SIVA1: variants seen among roughly 807,000 people sequenced by gnomAD.
SIVA1 encodes the protein apoptosis regulatory protein Siva.
Under a neutral mutation model 19.7 loss-of-function variants are expected in SIVA1, and 10 were observed. The observed-to-expected ratio is 0.51, with a 90% confidence interval of 0.31 to 0.86. SIVA1 has a LOEUF of 0.86. Among genes scored for constraint, SIVA1 ranks in the 40% least tolerant of loss-of-function variants. The probability of loss-of-function intolerance (pLI) is 0.04; values close to 1 mark genes in which losing one functional copy is unlikely to be tolerated. For missense variants in SIVA1, 241 were observed against 245.2 expected (o/e 0.98, Z 0.11); for synonymous variants, 130 against 106.1 (o/e 1.23, Z -1.39).
intron 2 of SIVA1, 101 bp downstream of exon 2, chr14:104,755,925 A>C: frequency 3.5e-6 from 4 of 1,142,280 alleles, no homozygotes; most frequent in Non-Finnish European, 5.1e-6. Flanking sequence ...CTCCCTGGGT[A>C]AGCAGGACTC....
intron 2 of SIVA1, 159 bp downstream of exon 2, chr14:104,755,983 G>C (rs1034266010): frequency 2.7e-6 from 2 of 744,518 alleles, no homozygotes; most frequent in East Asian, 5.3e-5. Context: ...GTTATCAGGA[G>C]GTCTCACATT....
chr14:104,753,252 G>T lies in SIVA1; in HGVS notation c.51G>T (p.Lys17Asn). The part of the protein sequence containing the change: ...PFADVAPLQL[K>N]VRVSQRELSR... The stretch of plus-strand genomic sequence containing the variant: ...CGGACGTGGCCCCGCTACAGCTCAA[G>T]GTCCGCGTGAGCCAGAGGGAGTTGA... Residue 17 changes from lysine (K) to asparagine (N), a missense_variant, in exon 1 of 4, where the codon AAG becomes AAT. By Grantham distance (94) the Lys-to-Asn change is moderately conservative. Coordinates refer to ENST00000329967, the MANE Select transcript of SIVA1 (RefSeq NM_006427.4). 6.3e-7 allele frequency: 1 copy of T among 1,598,572 alleles called. No homozygotes were observed. The highest frequency in any genetic ancestry group is 1.4e-5 in the African/African-American group (1 of 73,722).
intron 1 of SIVA1, chr14:104,753,839 T>G (rs777563291): frequency 2.2e-6 from 1 of 446,714 alleles, no homozygotes; most frequent in Non-Finnish European, 4.6e-6. Context: ...CCCAGCCTAG[T>G]TGGGGAGACC....
rs1891868719 is a variant in SIVA1 at position 104,755,823 on chromosome 14, T to A, written c.312T>A (p.Ala104=). The change falls in exon 2 of 4, where the codon GCT becomes GCA. Residue 104 remains alanine (A), a splice_region_variant and synonymous_variant. Coordinates refer to ENST00000329967, the MANE Select transcript of SIVA1 (RefSeq NM_006427.4). The stretch of plus-strand genomic sequence containing the variant: ...GGAGCCTTGGGCAGGCCTCCGAAGC[T>A]GGTGAGTGGCACCAGCAGCCCTTTG... ...LIRSLGQASE[A]DPSGVASIAC... is the part of the protein sequence containing the mutation. 6.2e-7 allele frequency: 1 copy of A among 1,613,104 alleles called. No homozygotes were observed. Among genetic ancestry groups the A allele is most frequent in the Admixed American group, 1.7e-5 (1 of 59,894 alleles).
At position 104,759,557 on chromosome 14, in the gene SIVA1, G is replaced by A. The variant is rs1429096909; in HGVS notation, c.*72G>A. The A allele has an allele frequency of 6.9e-6, 9 of 1,304,562 alleles. No individual in the cohort carries two copies. Among genetic ancestry groups the A allele is most frequent in the Admixed American group, 1.7e-5 (1 of 57,988 alleles). The allele number at this position is 1,304,562 out of a possible 1,614,324, so 80.8% of individuals were successfully genotyped here. A position where few individuals can be genotyped will look rare whatever the true frequency, so the allele number is the denominator to read the frequency against. ...GCAGCCTTCCCTGGACGAGCGCTCG[G>A]TGTTCACACTGAACTGTGGGGTCGA... On this transcript the variant is annotated 3_prime_UTR_variant, in exon 4 of 4. Coordinates refer to ENST00000329967, the MANE Select transcript of SIVA1 (RefSeq NM_006427.4). This position sits in a 1 kb window ranked among gnomAD's most constrained non-coding sequence, Gnocchi z 4.2.
chr14:104,757,362 G>A, intron 3 of SIVA1: 1 of 383,190 alleles, frequency 2.6e-6, no homozygotes, highest in South Asian at 1.9e-5. Flanking sequence ...AGACACATGT[G>A]GAACTGGCTC....
Position 104,759,411 on chromosome 14 carries a change from C to T in SIVA1, c.471-17C>T. 1 of 1,611,918 alleles carries T rather than the reference C, an allele frequency of 6.2e-7. No homozygotes were observed. The highest frequency in any genetic ancestry group is 1.3e-5 in the African/African-American group (1 of 74,972). On this transcript the variant is annotated splice_polypyrimidine_tract_variant and intron_variant, in intron 3 of 3. Transcript: ENST00000329967. The surrounding 1 kb of genome is among the most constrained non-coding windows in gnomAD (Gnocchi z 4.2). ...CCTGACAGCAGCTTTTCTCTCCCCT[C>T]CCTGACGCTGTCGCAGCTGCAGTGA...
intron 2 of SIVA1, 48 bp downstream of exon 2, chr14:104,755,872 G>A (rs1410915905): frequency 6.5e-7 from 1 of 1,539,664 alleles, no homozygotes; most frequent in Non-Finnish European, 8.9e-7. Context: ...GAGGGCAGGT[G>A]GTGGCACGAG....
intron 3 of SIVA1, chr14:104,756,972 A>G: frequency 5.0e-6 from 3 of 602,034 alleles, no homozygotes; most frequent in Non-Finnish European, 8.7e-6. Context: ...TGAACCTCAC[A>G]GATGACCTGC....
chr14:104,756,048 G>A (rs1447591547), intron 2 of SIVA1: 2 of 664,460 alleles, frequency 3.0e-6, no homozygotes, highest in Admixed American at 2.3e-5. Flanking sequence ...AAGCAGCAGA[G>A]ACTCCCCGGG....
At chr14:104,757,481 G>C in intron 3 of SIVA1, 1 of 243,008 alleles carries the variant, frequency 4.1e-6, no homozygotes, top group Non-Finnish European at 8.6e-6. Flanking sequence ...CTTCAGTCGG[G>C]GCAGAGGCCC....
At chr14:104,757,206 G>T in intron 3 of SIVA1, 1 of 368,584 alleles carries the variant, frequency 2.7e-6, no homozygotes, top group Non-Finnish European at 5.4e-6. Context: ...CCCATTTGTG[G>T]GTGGGTTTGC....
In SIVA1 at chr14:104,753,173, G is replaced by T. The variant is rs752346958; in HGVS notation, c.-29G>T. 2 of 1,442,758 alleles carry T rather than the reference G, an allele frequency of 1.4e-6. No individual in the cohort carries two copies. Among genetic ancestry groups the T allele is most frequent in the African/African-American group, 1.4e-5 (1 of 69,314 alleles). 89.4% of individuals were successfully genotyped at this position (1,442,758 alleles called of 1,614,324 possible). A position where few individuals can be genotyped will look rare whatever the true frequency, so the allele number is the denominator to read the frequency against. Reference sequence around the variant, plus strand: ...TCGTTGGTAAGGGGCTGGCGGCCGGGGAGCTGCGTAGCTCCCGGCCCCGCG... The same window carrying T: ...TCGTTGGTAAGGGGCTGGCGGCCGGTGAGCTGCGTAGCTCCCGGCCCCGCG... On this transcript the variant is annotated 5_prime_UTR_variant, in exon 1 of 4. Transcript: ENST00000329967.
rs1132975 is a variant in SIVA1 at position 104,755,700 on chromosome 14, C to T, written c.189C>T (p.Ala63=). 0.35 allele frequency: 562,604 copies of T among 1,613,528 alleles called. 102,285 individuals are homozygous for T. The highest frequency in any genetic ancestry group is 0.58 in the East Asian group (26,017 of 44,844). Residue 63 remains alanine (A), a synonymous_variant, in exon 2 of 4, where the codon GCC becomes GCT. Coordinates refer to ENST00000329967, the MANE Select transcript of SIVA1 (RefSeq NM_006427.4). ...YLDHVWDEGC[A]VVHLPESPKP... The stretch of plus-strand genomic sequence containing the variant: ...ACCACGTGTGGGATGAAGGCTGTGC[C>T]GTCGTTCACCTGCCAGAGTCCCCAA...
chr14:104,756,141 G>T lies in SIVA1; in HGVS notation c.313+317G>T, dbSNP rs1891880212. On this transcript the variant is annotated intron_variant, in intron 2 of 3. Transcript: ENST00000329967. The stretch of plus-strand genomic sequence containing the variant: ...TGCCAGTCCCATCCCTATGCAGTGT[G>T]GGGTCTCAGAGCATCACCTGTGTTG... 3 of 499,640 alleles carry T rather than the reference G, an allele frequency of 6.0e-6. No individual in the cohort carries two copies. In the Admixed American group the frequency reaches 9.9e-5, roughly 16 times the overall value. 31.0% of individuals were successfully genotyped at this position (499,640 alleles called of 1,614,324 possible).
In SIVA1 at chr14:104,756,230, G is replaced by C. The variant is rs1036441296; in HGVS notation, c.314-374G>C. 1.1e-5 allele frequency: 5 copies of C among 439,010 alleles called. No individual in the cohort carries two copies. In the Admixed American group the frequency reaches 1.8e-4, roughly 16 times the overall value. 27.2% of individuals were successfully genotyped at this position (439,010 alleles called of 1,614,324 possible). A position where few individuals can be genotyped will look rare whatever the true frequency, so the allele number is the denominator to read the frequency against. On this transcript the variant is annotated intron_variant, in intron 2 of 3. Coordinates refer to ENST00000329967, the MANE Select transcript of SIVA1 (RefSeq NM_006427.4). ...GGTTGGTGTGTCTAGGAGGAGCCCAGGCACCTCTTTGTTAACCAGTAAGGC... is the reference window on the plus strand; with the variant it reads ...GGTTGGTGTGTCTAGGAGGAGCCCACGCACCTCTTTGTTAACCAGTAAGGC...
Position 104,753,404 on chromosome 14 carries a change from G to A in SIVA1, c.118+85G>A, listed in dbSNP as rs532017674. ...TCAGCGTCCCCTCTGAGGCCTGAGC[G>A]GGGGGCTGGAGGGCCCTGCTTTCTG... On this transcript the variant is annotated intron_variant, in intron 1 of 3. Coordinates refer to ENST00000329967, the MANE Select transcript of SIVA1 (RefSeq NM_006427.4). 3.6e-4 allele frequency: 338 copies of A among 935,274 alleles called. 1 individual carries two copies. The highest frequency in any genetic ancestry group is 1.1e-3 in the South Asian group (62 of 57,786). The allele number at this position is 935,274 out of a possible 1,614,324, so 57.9% of individuals were successfully genotyped here.
At chr14:104,756,399 A>G in intron 2 of SIVA1, 1 of 606,192 alleles carries the variant, frequency 1.6e-6, no homozygotes, top group Non-Finnish European at 2.9e-6. Flanking sequence ...CTACAGGCAT[A>G]TCTCACCTTG....
chr14:104,759,561 T>G lies in SIVA1; in HGVS notation c.*76T>G. ...CCTTCCCTGGACGAGCGCTCGGTGT[T>G]CACACTGAACTGTGGGGTCGACGGG... On this transcript the variant is annotated 3_prime_UTR_variant, in exon 4 of 4. Transcript: ENST00000329967. This position sits in a 1 kb window ranked among gnomAD's most constrained non-coding sequence, Gnocchi z 4.2. 2 of 1,273,536 alleles carry G rather than the reference T, an allele frequency of 1.6e-6. No homozygotes were observed. Among genetic ancestry groups the G allele is most frequent in the Non-Finnish European group, 2.3e-6 (2 of 886,396 alleles). 78.9% of individuals were successfully genotyped at this position (1,273,536 alleles called of 1,614,324 possible). A position where few individuals can be genotyped will look rare whatever the true frequency, so the allele number is the denominator to read the frequency against.
Sources: allele counts gnomAD v4.1 joint callset, GRCh38; gene constraint gnomAD v4.1.1; non-coding constraint Gnocchi (gnomAD v3.1); transcripts MANE v1.5; gene names NCBI Gene and HGNC (gene_info 2026-07-23, HGNC 2026-07-21).